CDSN: variants seen among roughly 807,000 people sequenced by gnomAD.
The protein encoded by CDSN is S protein.
CDSN carries 11 observed loss-of-function variants against 25.6 expected under a neutral mutation model. The ratio of observed to expected loss-of-function variants is 0.43; its 90% confidence interval spans 0.27 to 0.71. The LOEUF (loss-of-function observed/expected upper bound fraction) is 0.71. Ranked by LOEUF, CDSN falls within the 30% of genes least tolerant of loss-of-function variation. CDSN has a pLI of 0.20. For synonymous variants in CDSN, 266 were observed against 267.4 expected (o/e 0.99, Z 0.05); for missense variants, 598 against 670.9 (o/e 0.89, Z 1.20).
chr6:31,116,094 C>T lies in CDSN; in HGVS notation c.1521G>A (p.Lys507=), dbSNP rs1236940986. 2 of 1,611,992 alleles carry T rather than the reference C, an allele frequency of 1.2e-6. No homozygotes were observed. Residue 507 remains lysine, a synonymous_variant, in exon 2 of 2, where the codon AAG becomes AAA. Coordinates refer to ENST00000376288, the MANE Select transcript of CDSN (RefSeq NM_001264.5). ...RSIRDILAQV[K]PLGPQLADPE... ...GGTCAGCTAGCTGGGGCCCCAGAGG[C>T]TTCACTTGGGCTAGGATATCCCGGA...
Position 31,117,522 on chromosome 6 carries a change from C to T in CDSN, c.93G>A (p.Leu31=). 2 of 1,550,284 alleles carry T rather than the reference C, an allele frequency of 1.3e-6. No homozygotes were observed. The highest frequency in any genetic ancestry group is 2.4e-5 in the South Asian group (2 of 84,054). Residue 31 remains leucine (L), a synonymous_variant, in exon 2 of 2, where the codon TTG becomes TTA. Coordinates refer to ENST00000376288, the MANE Select transcript of CDSN (RefSeq NM_001264.5). ...LLAGLLLPGT[L]AKSIGTFSDP... ...CTGAGAAGGTGCCAATGCTCTTAGCCAAGGTCCCTGTGGAGGAAAGCAGTG... is the reference window on the plus strand; with the variant it reads ...CTGAGAAGGTGCCAATGCTCTTAGCTAAGGTCCCTGTGGAGGAAAGCAGTG...
chr6:31,115,925 T>C lies in CDSN; in HGVS notation c.*100A>G. 1.9e-6 allele frequency: 2 copies of C among 1,079,174 alleles called. No individual in the cohort carries two copies. The highest frequency in any genetic ancestry group is 2.8e-6 in the Non-Finnish European group (2 of 708,790). 66.8% of individuals were successfully genotyped at this position (1,079,174 alleles called of 1,614,324 possible). A position where few individuals can be genotyped will look rare whatever the true frequency, so the allele number is the denominator to read the frequency against. On this transcript the variant is annotated 3_prime_UTR_variant, in exon 2 of 2. Coordinates refer to ENST00000376288, the MANE Select transcript of CDSN (RefSeq NM_001264.5). The surrounding 1 kb of genome is among the most constrained non-coding windows in gnomAD (Gnocchi z 4.2). ...CCACTCTTTTGGGAAGGAGGGAAAC[T>C]GAGCTAACCCTATGCCTGGGCACTG...
In CDSN at chr6:31,117,157, G is replaced by T. The variant is rs754164196; in HGVS notation, c.458C>A (p.Ser153Tyr). ...NSGSHSGSSS[S>Y]HSSSSSSFQF... ...AAAGCTGCTGCTGCTGCTCGAATGA[G>T]AGCTGCTGCTTCCCGAGTGAGAGCC... The change falls in exon 2 of 2, where the codon TCT (serine) becomes TAT (tyrosine). Residue 153 changes from serine (S) to tyrosine (Y), a missense_variant. Ser to Tyr is a moderately radical substitution (Grantham distance 144). Transcript: ENST00000376288. 1 of 1,606,310 alleles carries T rather than the reference G, an allele frequency of 6.2e-7. No homozygotes were observed. Among genetic ancestry groups the T allele is most frequent in the Non-Finnish European group, 8.5e-7 (1 of 1,175,714 alleles).
rs757306611 is a variant in CDSN at position 31,116,526 on chromosome 6, A to G, written c.1089T>C (p.Ala363=). The change falls in exon 2 of 2, where the codon GCT becomes GCC. Residue 363 remains alanine (A), a synonymous_variant. Transcript: ENST00000376288. The part of the protein sequence containing the change: ...SNPIIPSQSA[A]SSAIAFQPVG... Reference sequence around the variant, plus strand: ...CTGGCTGGAATGCAATGGCCGAGGAAGCTGCCGACTGGCTGGGGATGATGG... The same window carrying G: ...CTGGCTGGAATGCAATGGCCGAGGAGGCTGCCGACTGGCTGGGGATGATGG... 1 of 1,613,532 alleles carries G rather than the reference A, an allele frequency of 6.2e-7. No individual in the cohort carries two copies. Among genetic ancestry groups the G allele is most frequent in the South Asian group, 1.1e-5 (1 of 90,972 alleles).
Position 31,116,694 on chromosome 6 carries a change from C to T in CDSN, c.921G>A (p.Leu307=). The change falls in exon 2 of 2, where the codon CTG becomes CTA. Residue 307 remains leucine, a synonymous_variant. Transcript: ENST00000376288. ...EVVGGSSDSY[L]VPGMTYSKGK... is the part of the protein sequence containing the mutation. ...CCTTACTGTAGGTCATGCCTGGAAC[C>T]AGATAACTGTCAGAGGAGCCACCCA... 1 of 1,612,696 alleles carries T rather than the reference C, an allele frequency of 6.2e-7. No individual in the cohort carries two copies. Among genetic ancestry groups the T allele is most frequent in the Non-Finnish European group, 8.5e-7 (1 of 1,180,008 alleles).
In CDSN at chr6:31,116,362, G is replaced by A; in HGVS notation, c.1253C>T (p.Ala418Val). ...SGLPYHPCGS[A>V]SQSPCSPPGT... ...TGGTGGGGAGCAGGGGCTCTGGGAA[G>A]CACTGCCGCAGGGATGGTAGGGTAA... Residue 418 changes from alanine to valine, a missense_variant, in exon 2 of 2, where the codon GCT becomes GTT. Coordinates refer to ENST00000376288, the MANE Select transcript of CDSN (RefSeq NM_001264.5). 1 of 1,611,050 alleles carries A rather than the reference G, an allele frequency of 6.2e-7. No homozygotes were observed. The highest frequency in any genetic ancestry group is 8.5e-7 in the Non-Finnish European group (1 of 1,178,402).
intron 1 of CDSN, among the ~76,000 whole-genome samples, chr6:31,119,064 G>T (rs1772323645): frequency 6.6e-6 from 1 of 151,854 alleles, no homozygotes; most frequent in Admixed American, 6.6e-5. Flanking sequence ...GGCTGGTCTT[G>T]AACTCCTAAC....
rs770168773 is a variant in CDSN at position 31,116,766 on chromosome 6, A to G, written c.849T>C (p.Cys283=). 9.3e-6 allele frequency: 15 copies of G among 1,613,146 alleles called. No homozygotes were observed. The highest frequency in any genetic ancestry group is 1.7e-5 in the Admixed American group (1 of 60,002). Residue 283 remains cysteine, a synonymous_variant, in exon 2 of 2, where the codon TGT becomes TGC. Transcript: ENST00000376288. ...CSNGGLPGKP[C]PPITSVDKSY... ...ATTTGTCTACAGAGGTGATTGGGGG[A>G]CAGGGCTTGCCTGGAAGGCCACCAT...
At position 31,116,221 on chromosome 6, in the gene CDSN, AAGG is replaced by A; in HGVS notation, c.1391_1393del (p.Ser464del). The A allele has an allele frequency of 6.2e-7, 1 of 1,613,934 alleles. No homozygotes were observed. Among genetic ancestry groups the A allele is most frequent in the Non-Finnish European group, 8.5e-7 (1 of 1,179,900 alleles). ...GCCATCGGGGCCCCCAGTCAGTGTC[AAGG>A]AGGAGACAGACATGCAAGGGTGACC... is the stretch of plus-strand genomic sequence containing the variant. On this transcript the variant is annotated inframe_deletion, in exon 2 of 2. Transcript: ENST00000376288.
At chr6:31,118,840 C>T (rs9263663) in intron 1 of CDSN, 92,264 of 123,474 alleles carry the variant, frequency 0.75, 35,264 homozygotes, top group South Asian at 0.82. Flanking sequence ...TTTTCTTCTT[C>T]TTCTTTTTTT....
In CDSN at chr6:31,115,210, A is replaced by G. The variant is rs3094220; in HGVS notation, c.*815T>C. 0.2 allele frequency: 56,050 copies of G among 287,252 alleles called. 6,081 individuals carry two copies. Among genetic ancestry groups the G allele is most frequent in the African/African-American group, 0.21 (9,607 of 45,056 alleles). The allele number at this position is 287,252 out of a possible 1,614,324, so 17.8% of individuals were successfully genotyped here. A position where few individuals can be genotyped will look rare whatever the true frequency, so the allele number is the denominator to read the frequency against. ...CACAGAGACCTCTAGAGGCGTAGGA[A>G]GAGCACCACCCAGACTCTCAGAGGA... is the stretch of plus-strand genomic sequence containing the variant. On this transcript the variant is annotated 3_prime_UTR_variant, in exon 2 of 2. Coordinates refer to ENST00000376288, the MANE Select transcript of CDSN (RefSeq NM_001264.5). This position sits in a 1 kb window ranked among gnomAD's most constrained non-coding sequence, Gnocchi z 4.2.
rs1265125292 is a variant in CDSN at position 31,116,152 on chromosome 6, G to C, written c.1463C>G (p.Ser488Cys). The C allele has an allele frequency of 3.7e-6, 6 of 1,611,170 alleles. No homozygotes were observed. The African/African-American group carries it at 8.0e-5, about 22-fold the overall frequency. Residue 488 changes from serine (S) to cysteine (C), a missense_variant, in exon 2 of 2, where the codon TCC (serine) becomes TGC (cysteine). Transcript: ENST00000376288. ...DPSAGAKPCGSSSAGKIPCRS... is the reference protein window; with the variant it reads ...DPSAGAKPCGCSSAGKIPCRS... The stretch of plus-strand genomic sequence containing the variant: ...GCAGGGGATCTTTCCAGCACTGCTG[G>C]AGCCACAGGGCTTGGCACCAGCGGA...
chr6:31,118,688 C>T (rs931484962), intron 1 of CDSN: 1 of 152,216 alleles, frequency 6.6e-6, no homozygotes, highest in African/African-American at 2.4e-5. Flanking sequence ...CCAGGTCCCA[C>T]GTGTTACAAA....
rs150337930 is a variant in CDSN, at chr6:31,117,432, G to A, written c.183C>T (p.Asp61=). The change falls in exon 2 of 2, where the codon GAC becomes GAT. Residue 61 remains aspartate, a synonymous_variant. Transcript: ENST00000376288. The part of the protein sequence containing the change: ...PNDPCLTGKG[D]SSGFSSYSGS... Reference sequence around the variant, plus strand: ...CACTGTAGCTACTGAAACCGCTGGAGTCACCCTTCCCAGTGAGGCAGGGGT... The same window carrying A: ...CACTGTAGCTACTGAAACCGCTGGAATCACCCTTCCCAGTGAGGCAGGGGT... The A allele has an allele frequency of 6.4e-6, 10 of 1,560,038 alleles. No homozygotes were observed. The African/African-American group carries it at 1.4e-4, about 21-fold the overall frequency.
Position 31,117,006 on chromosome 6 carries a change from C to T in CDSN, c.609G>A (p.Gly203=). The T allele has an allele frequency of 6.2e-7, 1 of 1,614,198 alleles. No individual in the cohort carries two copies. Among genetic ancestry groups the T allele is most frequent in the Non-Finnish European group, 8.5e-7 (1 of 1,180,044 alleles). ...TGACGCTTTGGCCACTGCTGGATAC[C>T]CCAAAGGTCTGGGAAGAGGAAGAGC... is the stretch of plus-strand genomic sequence containing the variant. ...GQSSSSSQTF[G]VSSSGQSVSS... is the part of the protein sequence containing the mutation. Residue 203 remains glycine, a synonymous_variant, in exon 2 of 2, where the codon GGG becomes GGA. Coordinates refer to ENST00000376288, the MANE Select transcript of CDSN (RefSeq NM_001264.5).
rs114245712 is a variant in CDSN, at chr6:31,115,219, C to T, written c.*806G>A. 3.3e-3 allele frequency: 925 copies of T among 276,356 alleles called. 10 individuals are homozygous for T. Among genetic ancestry groups the T allele is most frequent in the African/African-American group, 0.019 (865 of 44,910 alleles). The allele number at this position is 276,356 out of a possible 1,614,324, so 17.1% of individuals were successfully genotyped here. A position where few individuals can be genotyped will look rare whatever the true frequency, so the allele number is the denominator to read the frequency against. On this transcript the variant is annotated 3_prime_UTR_variant, in exon 2 of 2. Coordinates refer to ENST00000376288, the MANE Select transcript of CDSN (RefSeq NM_001264.5). The surrounding 1 kb of genome is among the most constrained non-coding windows in gnomAD (Gnocchi z 4.2). ...CTCTAGAGGCGTAGGAAGAGCACCA[C>T]CCAGACTCTCAGAGGAGACCCAGGA...
chr6:31,119,376 A>G (rs1230705063), intron 1 of CDSN, among the ~76,000 whole-genome samples: 1 of 151,968 alleles, frequency 6.6e-6, no homozygotes, highest in African/African-American at 2.4e-5. Context: ...TCAGACACCA[A>G]CCACCCACTA....
intron 1 of CDSN, chr6:31,117,740 G>C (rs1206483257): frequency 1.7e-6 from 1 of 592,584 alleles, no homozygotes; most frequent in African/African-American, 1.9e-5. Flanking sequence ...GGAAGGGTGG[G>C]CAAACACCAA....
chr6:31,120,191 C>T (rs1772377686), intron 1 of CDSN, 144 bp downstream of exon 1: 3 of 651,132 alleles, frequency 4.6e-6, no homozygotes, highest in Non-Finnish European at 8.1e-6. Context: ...GTTTAAGAAA[C>T]TTACCTGAGG....
Sources: allele counts gnomAD v4.1 joint callset (sites outside exome capture counted in the v4.1 genomes callset), GRCh38; gene constraint gnomAD v4.1.1; non-coding constraint Gnocchi (gnomAD v3.1); transcripts MANE v1.5; gene names NCBI Gene and HGNC (gene_info 2026-07-23, HGNC 2026-07-21).